Variants in PCBP2 observed in about 807,000 individuals in gnomAD.
PCBP2 encodes poly(rC) binding protein 2, also known as poly(rC)-binding protein 2.
A neutral mutation model predicts 50.1 loss-of-function variants in PCBP2; 4 were observed. The ratio of observed to expected loss-of-function variants is 0.08; its 90% confidence interval spans 0.04 to 0.18. PCBP2 has a LOEUF of 0.18. Ranked by LOEUF, PCBP2 falls within the 10% of genes least tolerant of loss-of-function variation. PCBP2 has a pLI of 1.00. For synonymous variants in PCBP2, 179 were observed against 168.0 expected, an observed-to-expected ratio of 1.07 and a Z score of -0.51; for missense variants, 161 against 474.3, an observed-to-expected ratio of 0.34 and a Z score of 6.14.
chr12:53,476,697 T>C (rs1301329446), intron 14 of PCBP2, among the ~76,000 whole-genome samples: 4 of 152,164 alleles, frequency 2.6e-5, no homozygotes, highest in African/African-American at 9.7e-5. Context: ...TCTCATTCTT[T>C]GATGTTATTT....
chr12:53,467,988 C>A, intron 12 of PCBP2, 145 bp downstream of exon 12: 1 of 674,600 alleles, frequency 1.5e-6, no homozygotes, highest in Admixed American at 2.5e-5. Flanking sequence ...GGGCCTGGAG[C>A]CCCCGAGGGT....
chr12:53,452,178 CCCGCCCTCCG>C lies in PCBP2; in HGVS notation c.-264_-255del, dbSNP rs1261364940. The C allele has an allele frequency of 7.2e-6, 1 of 139,802 alleles. No individual in the cohort carries two copies. The highest frequency in any genetic ancestry group is 2.7e-5 in the African/African-American group (1 of 37,704). The allele number at this position is 139,802 out of a possible 1,614,324, so 8.7% of individuals were successfully genotyped here. ...CGCCCGCCCGCCCTCCGCCCGCCCG[CCCGCCCTCCG>C]CCGCCCTCCACCCGCCCCGGGGTCT... On this transcript the variant is annotated 5_prime_UTR_variant, in exon 1 of 15. Coordinates refer to ENST00000546463, the MANE Select transcript of PCBP2 (RefSeq NM_031989.5).
At chr12:53,460,117 G>A (rs1941347355) in intron 6 of PCBP2, 1 of 226,480 alleles carries the variant, frequency 4.4e-6, no homozygotes, top group Admixed American at 5.3e-5. Flanking sequence ...ATAGGAAGAT[G>A]TATTGGGAAA....
chr12:53,460,324 G>C (rs1337023282), intron 6 of PCBP2: 1 of 340,644 alleles, frequency 2.9e-6, no homozygotes, highest in East Asian at 9.8e-5. Context: ...TCTTTCTGTT[G>C]TTGTAGAGAC....
intron 6 of PCBP2, 24 bp from the exon 7 acceptor site, chr12:53,460,991 T>C: frequency 6.2e-7 from 1 of 1,611,478 alleles, no homozygotes; most frequent in Non-Finnish European, 8.5e-7. Flanking sequence ...TTTCTCTGAT[T>C]TTGAATTTCT....
At chr12:53,468,422 T>C (rs1941968234) in intron 12 of PCBP2, 1 of 281,412 alleles carries the variant, frequency 3.6e-6, no homozygotes, top group Non-Finnish European at 6.7e-6. Context: ...TGAGATACAA[T>C]TTGGAACACA....
At chr12:53,470,061 G>A (rs1422072739) in intron 13 of PCBP2, among the ~76,000 whole-genome samples, 1 of 151,420 alleles carries the variant, frequency 6.6e-6, no homozygotes, top group Non-Finnish European at 1.5e-5. Flanking sequence ...TTGTTTTTTT[G>A]TAGAAGCTAA....
chr12:53,459,808 G>T, intron 6 of PCBP2: 1 of 440,614 alleles, frequency 2.3e-6, no homozygotes, highest in Non-Finnish European at 4.6e-6. Flanking sequence ...AGGCTGGAGT[G>T]CAGTGGCGCA....
chr12:53,476,129 C>A (rs532088507), intron 14 of PCBP2: 1 of 152,340 alleles, frequency 6.6e-6, no homozygotes, highest in South Asian at 2.1e-4. Context: ...GTGACATTAT[C>A]CACAACTTGA....
At chr12:53,461,172 G>C (rs371307964) in intron 7 of PCBP2, 29 bp downstream of exon 7, 1 of 1,611,690 alleles carries the variant, frequency 6.2e-7, no homozygotes, top group Non-Finnish European at 8.5e-7. Context: ...GCTGAAAATG[G>C]GGGGAGGGCC....
At chr12:53,472,671 T>C (rs1032677874) in intron 14 of PCBP2, among the ~76,000 whole-genome samples, 2 of 152,244 alleles carry the variant, frequency 1.3e-5, no homozygotes, top group Non-Finnish European at 2.9e-5. Context: ...ATAAAAGTTT[T>C]ACATGAGTTC....
chr12:53,452,474 C>A (rs1305115298), intron 1 of PCBP2, 98 bp downstream of exon 1: 1 of 151,340 alleles, frequency 6.6e-6, no homozygotes, highest in East Asian at 1.9e-4. Context: ...GAGCCGCGGT[C>A]TCGCGTAGTC....
At chr12:53,456,953 C>CG (rs1941067567) in intron 5 of PCBP2, among the ~76,000 whole-genome samples, 1 of 152,152 alleles carries the variant, frequency 6.6e-6, no homozygotes, top group African/African-American at 2.4e-5. Flanking sequence ...TTTTGACCCC[C>CG]GGGATTCTGG....
Position 53,480,335 on chromosome 12 carries a change from T to G in PCBP2, c.*893T>G, listed in dbSNP as rs2137158424. ...CATTTATTCCTATAATTTTAGAAAGTTGGGGCTTGACATTATACTCATTTA... is the reference window on the plus strand; with the variant it reads ...CATTTATTCCTATAATTTTAGAAAGGTGGGGCTTGACATTATACTCATTTA... On this transcript the variant is annotated 3_prime_UTR_variant, in exon 15 of 15. Transcript: ENST00000546463. 6.6e-6 allele frequency: 1 copy of G among 152,364 alleles called. No individual in the cohort carries two copies. The highest frequency in any genetic ancestry group is 2.4e-5 in the African/African-American group (1 of 41,554). 9.4% of individuals were successfully genotyped at this position (152,364 alleles called of 1,614,324 possible). A position where few individuals can be genotyped will look rare whatever the true frequency, so the allele number is the denominator to read the frequency against.
chr12:53,479,388 C>A lies in PCBP2; in HGVS notation c.1053-18C>A. On this transcript the variant is annotated intron_variant, in intron 14 of 14. Transcript: ENST00000546463. ...GAGCACTGGGGAAACTAACTGAGTTCTTGTTTCTGTGTTACAGGCTTTCCT... is the reference window on the plus strand; with the variant it reads ...GAGCACTGGGGAAACTAACTGAGTTATTGTTTCTGTGTTACAGGCTTTCCT... 6.2e-7 allele frequency: 1 copy of A among 1,613,334 alleles called. No homozygotes were observed. Among genetic ancestry groups the A allele is most frequent in the South Asian group, 1.1e-5 (1 of 91,064 alleles).
At chr12:53,456,653 TAA>T (rs1449613245) in intron 5 of PCBP2, among the ~76,000 whole-genome samples, 1 of 152,212 alleles carries the variant, frequency 6.6e-6, no homozygotes, top group Non-Finnish European at 1.5e-5. Flanking sequence ...GATTTTAGGT[TAA>T]AAAGTCAATC....
intron 13 of PCBP2, 75 bp downstream of exon 13, chr12:53,468,907 T>A: frequency 2.0e-6 from 2 of 976,588 alleles, no homozygotes; most frequent in Non-Finnish European, 3.1e-6. Context: ...TTCAGCAGTG[T>A]CCTGCTACCC....
At chr12:53,459,555 C>T in intron 6 of PCBP2, 152 bp downstream of exon 6, 2 of 526,870 alleles carry the variant, frequency 3.8e-6, no homozygotes, top group Non-Finnish European at 3.2e-6. Flanking sequence ...AAATAAAACT[C>T]ATGCAATAGA....
intron 5 of PCBP2, among the ~76,000 whole-genome samples, chr12:53,456,239 G>A (rs1940998476): frequency 1.3e-5 from 2 of 152,060 alleles, no homozygotes; most frequent in African/African-American, 2.4e-5. Context: ...AGGCTGAGGC[G>A]GGCAGATAAA....
Sources: gnomAD v4.1 joint callset for allele counts (sites outside exome capture counted in the v4.1 genomes callset) on GRCh38, gnomAD v4.1.1 for gene constraint, MANE v1.5 for transcripts, NCBI Gene and HGNC (gene_info 2026-07-23, HGNC 2026-07-21) for gene names.